The following NCKAP1 variants were observed in gnomAD, a reference collection of about 807,000 sequenced individuals.
The protein encoded by NCKAP1 is nck-associated protein 1.
In NCKAP1, 21 loss-of-function variants were observed where a neutral mutation model predicts 151.2. That is an observed-to-expected ratio of 0.14 (90% CI 0.10 to 0.20). The LOEUF (loss-of-function observed/expected upper bound fraction) is 0.20. NCKAP1 is among the 10% of genes least tolerant of loss of function. The probability of loss-of-function intolerance (pLI) is 1.00; values close to 1 mark genes in which losing one functional copy is unlikely to be tolerated. For synonymous variants in NCKAP1, 484 were observed against 451.8 expected (o/e 1.07, Z -0.90); for missense variants, 933 against 1,352.1 (o/e 0.69, Z 4.86).
intron 2 of NCKAP1, among the ~76,000 whole-genome samples, chr2:183,015,669 T>C (rs1194078528): frequency 6.6e-6 from 1 of 151,926 alleles, no homozygotes; most frequent in East Asian, 1.9e-4. Flanking sequence ...AAATATATTA[T>C]TCATCTTACA....
intron 1 of NCKAP1, among the ~76,000 whole-genome samples, chr2:183,033,652 A>G (rs1425793635): frequency 1.3e-5 from 2 of 152,254 alleles, no homozygotes; most frequent in African/African-American, 2.4e-5. Context: ...AACTGAAAGA[A>G]TAGCTCATAT....
At chr2:183,036,812 T>C (rs1395058155) in intron 1 of NCKAP1, among the ~76,000 whole-genome samples, 1 of 134,868 alleles carries the variant, frequency 7.4e-6, no homozygotes, top group Non-Finnish European at 1.5e-5. Flanking sequence ...GGAAATGAAT[T>C]TCCAAAGAAA....
At chr2:183,027,231 GATA>G (rs1355268528) in intron 1 of NCKAP1, among the ~76,000 whole-genome samples, 1 of 152,158 alleles carries the variant, frequency 6.6e-6, no homozygotes, top group African/African-American at 2.4e-5. Flanking sequence ...CTGTTAAACA[GATA>G]ATAATTACAA....
At chr2:182,954,897 C>T (rs77460513) in intron 20 of NCKAP1, among the ~76,000 whole-genome samples, 9,706 of 152,100 alleles carry the variant, frequency 0.064, 353 homozygotes, top group Non-Finnish European at 0.08. Context: ...AAAAAAAAAA[C>T]TGCTTCTCTG....
At chr2:182,942,291 C>T in intron 23 of NCKAP1, 128 bp from the exon 24 acceptor site, 1 of 570,576 alleles carries the variant, frequency 1.8e-6, no homozygotes. Flanking sequence ...CTCTATGCTA[C>T]ATATATTTTT....
rs1161350026 is a variant in NCKAP1 at position 182,942,152 on chromosome 2, C to T, written c.2613G>A (p.Val871=). 1 of 1,611,930 alleles carries T rather than the reference C, an allele frequency of 6.2e-7. No individual in the cohort carries two copies. Among genetic ancestry groups the T allele is most frequent in the Non-Finnish European group, 8.5e-7 (1 of 1,178,742 alleles). ...TTTGTGTTAACACATCAACATTCTC[C>T]ACCACAAGTTTCTAAAAAAAAAAGA... ...SQVAELKKLV[V]ENVDVLTQMR... The change falls in exon 24 of 31, where the codon GTG becomes GTA. Residue 871 remains valine (V), a synonymous_variant. Transcript: ENST00000361354.
intron 8 of NCKAP1, 35 bp from the exon 9 acceptor site, chr2:182,989,221 T>C (rs1698117713): frequency 6.6e-7 from 1 of 1,526,540 alleles, no homozygotes. Flanking sequence ...CAAATGTAAA[T>C]GTACAAGTAT....
chr2:182,920,959 C>G lies in NCKAP1; in HGVS notation c.*4743G>C, dbSNP rs542051544. On this transcript the variant is annotated 3_prime_UTR_variant, in exon 31 of 31. Transcript: ENST00000361354. ...TCTTAGGTTTGTCTCTGAAAACATT[C>G]AGGACGCATCACTGAGTAGTGCACA... is the stretch of plus-strand genomic sequence containing the variant. The G allele has an allele frequency of 5.3e-5, 8 of 152,176 alleles. No individual in the cohort carries two copies. The East Asian group carries it at 1.5e-3, about 29-fold the overall frequency. The allele number at this position is 152,176 out of a possible 1,614,324, so 9.4% of individuals were successfully genotyped here. A position where few individuals can be genotyped will look rare whatever the true frequency, so the allele number is the denominator to read the frequency against.
At chr2:183,016,329 T>C (rs1698686990) in intron 2 of NCKAP1, among the ~76,000 whole-genome samples, 1 of 152,236 alleles carries the variant, frequency 6.6e-6, no homozygotes, top group South Asian at 2.1e-4. Context: ...TTTCCAAATA[T>C]ATCAAAGCAA....
intron 9 of NCKAP1, among the ~76,000 whole-genome samples, chr2:182,988,154 A>G (rs541177443): frequency 6.6e-6 from 1 of 152,196 alleles, no homozygotes; most frequent in South Asian, 2.1e-4. Flanking sequence ...AGGAACCTGG[A>G]TTTCAATTTG....
chr2:183,003,407 G>A, intron 2 of NCKAP1, 82 bp from the exon 3 acceptor site: 1 of 830,520 alleles, frequency 1.2e-6, no homozygotes, highest in Non-Finnish European at 1.9e-6. Context: ...TTTTATGACT[G>A]CTATATGGAA....
At chr2:182,998,234 G>A (rs1259662637) in intron 6 of NCKAP1, among the ~76,000 whole-genome samples, 1 of 152,004 alleles carries the variant, frequency 6.6e-6, no homozygotes, top group Non-Finnish European at 1.5e-5. Flanking sequence ...ATGGGCAAAA[G>A]CTAGAAGCTT....
intron 2 of NCKAP1, among the ~76,000 whole-genome samples, chr2:183,007,277 A>G (rs1360496004): frequency 6.6e-6 from 1 of 152,234 alleles, no homozygotes; most frequent in Non-Finnish European, 1.5e-5. Flanking sequence ...ATGGGTCATT[A>G]TTCTAAATAT....
intron 23 of NCKAP1, among the ~76,000 whole-genome samples, chr2:182,950,922 T>C (rs1697200964): frequency 6.6e-6 from 1 of 152,060 alleles, no homozygotes; most frequent in Non-Finnish European, 1.5e-5. Flanking sequence ...AACCTCCGCC[T>C]CCCGGGTTCA....
At chr2:182,966,154 G>T (rs1378091675) in intron 16 of NCKAP1, among the ~76,000 whole-genome samples, 2 of 151,966 alleles carry the variant, frequency 1.3e-5, no homozygotes, top group African/African-American at 4.8e-5. Flanking sequence ...CAGCATTTTA[G>T]AAATCAAGAG....
intron 20 of NCKAP1, among the ~76,000 whole-genome samples, chr2:182,953,537 C>T (rs910840312): frequency 2.0e-5 from 3 of 152,148 alleles, no homozygotes; most frequent in Non-Finnish European, 2.9e-5. Context: ...GTGGTTCACG[C>T]CTATTGTAAT....
At position 182,972,224 on chromosome 2, in the gene NCKAP1, CAAAAAAAA is replaced by C. The variant is rs56834438; in HGVS notation, c.1482+4661_1482+4668del. Among the ~76,000 whole-genome samples, 9 of 67,708 alleles carry C rather than the reference CAAAAAAAA, an allele frequency of 1.3e-4. No individual in the cohort carries two copies. The South Asian group carries it at 2.2e-3, about 16-fold the overall frequency. The allele number at this position is 67,708 out of a possible 152,430, so 44.4% of individuals were successfully genotyped here. A position where few individuals can be genotyped will look rare whatever the true frequency, so the allele number is the denominator to read the frequency against. ...ATAAGGAACTCAAACAGCTTAATAGCAAAAAAAAAAAAAAAAAAAAACAAAACTGATTT... is the reference window on the plus strand; with the variant it reads ...ATAAGGAACTCAAACAGCTTAATAGCAAAAAAAAAAAAACAAAACTGATTT... On this transcript the variant is annotated intron_variant, in intron 15 of 30. Transcript: ENST00000361354.
chr2:182,989,694 A>G (rs1698128628), intron 8 of NCKAP1, among the ~76,000 whole-genome samples: 1 of 152,100 alleles, frequency 6.6e-6, no homozygotes, highest in African/African-American at 2.4e-5. Context: ...CCTGGGTGAC[A>G]GACCCTGTCT....
intron 8 of NCKAP1, among the ~76,000 whole-genome samples, chr2:182,992,576 T>C (rs1240113395): frequency 6.6e-6 from 1 of 152,142 alleles, no homozygotes; most frequent in East Asian, 1.9e-4. Flanking sequence ...CCGAGCAAGA[T>C]CAAAACTCTG....
Sources: allele counts gnomAD v4.1 joint callset (sites outside exome capture counted in the v4.1 genomes callset), GRCh38; gene constraint gnomAD v4.1.1; transcripts MANE v1.5; gene names NCBI Gene and HGNC (gene_info 2026-07-23, HGNC 2026-07-21).